The following CT45A3 variants were observed in gnomAD, a reference collection of about 807,000 sequenced individuals.
CT45A3 encodes the protein cancer/testis antigen 45-3.
intron 1 of CT45A3, among the ~76,000 whole-genome samples, chrX:135,765,188 TAACAAC>T (rs1191778737): frequency 5.4e-5 from 5 of 93,186 alleles, no homozygotes; most frequent in South Asian, 4.7e-4. Context: ...TGCACCACAT[TAACAAC>T]AACAACAACA....
At chrX:135,762,819 C>A (rs2088183148) in intron 2 of CT45A3, among the ~76,000 whole-genome samples, 1 of 50,768 alleles carries the variant, frequency 2.0e-5, no homozygotes, top group African/African-American at 7.3e-5. Flanking sequence ...AGCTGGAACC[C>A]AGGCAACTGG....
At chrX:135,762,575 CA>C (rs2041990123) in intron 2 of CT45A3, among the ~76,000 whole-genome samples, 1 of 58,417 alleles carries the variant, frequency 1.7e-5, no homozygotes, top group African/African-American at 5.5e-5. Context: ...GGAGAAATCC[CA>C]GGCCTGACAA....
chrX:135,765,357 ACTTC>A (rs1371725437), intron 1 of CT45A3, among the ~76,000 whole-genome samples: 1 of 114,766 alleles, frequency 8.7e-6, no homozygotes, highest in Non-Finnish European at 1.9e-5. Flanking sequence ...TAAATGCCAT[ACTTC>A]ATAGTGACGT....
chrX:135,765,039 C>CT (rs2088192665), intron 1 of CT45A3, among the ~76,000 whole-genome samples: 1 of 76,607 alleles, frequency 1.3e-5, no homozygotes, highest in Non-Finnish European at 2.5e-5. Flanking sequence ...AAGATCACCC[C>CT]GAACTTAGAC....
At chrX:135,762,427 CT>C in intron 2 of CT45A3, 71 bp from the exon 3 acceptor site, 1 of 3,763 alleles carries the variant, frequency 2.7e-4, no homozygotes, top group South Asian at 6.1e-3. Flanking sequence ...CCACATAGAC[CT>C]CATGAATGAC....
intron 1 of CT45A3, among the ~76,000 whole-genome samples, chrX:135,765,188 TAACAACAAC>T (rs1191778737): frequency 1.1e-5 from 1 of 93,388 alleles, no homozygotes; most frequent in East Asian, 3.5e-4. Flanking sequence ...TGCACCACAT[TAACAACAAC>T]AACAACAACA....
In CT45A3 at chrX:135,760,495, G is replaced by GT. The variant is rs2148045806; in HGVS notation, c.513-87dup. ...GCACTGTGATGGATAGAAAGATGAA[G>GT]TAACAGTCAGCATGGAAATAGAAAT... On this transcript the variant is annotated intron_variant, in intron 4 of 4. Coordinates refer to ENST00000598716, the MANE Select transcript of CT45A3 (RefSeq NM_001370148.2). 1.9e-6 allele frequency: 2 copies of GT among 1,066,385 alleles called. 1 individual carries two copies. The highest frequency in any genetic ancestry group is 3.6e-5 in the African/African-American group (2 of 55,893). 87.9% of individuals were successfully genotyped at this position (1,066,385 alleles called of 1,213,427 possible).
intron 4 of CT45A3, among the ~76,000 whole-genome samples, chrX:135,760,881 TA>T (rs1261956510): frequency 1.1e-4 from 8 of 70,611 alleles, no homozygotes; most frequent in African/African-American, 2.9e-4. Flanking sequence ...TGTTTAGCCA[TA>T]AAAAAAAGAA....
chrX:135,765,251 GA>G, intron 1 of CT45A3, among the ~76,000 whole-genome samples: 1 of 114,066 alleles, frequency 8.8e-6, no homozygotes, highest in Non-Finnish European at 1.9e-5. Context: ...TTCATACATG[GA>G]TCAATGTTTA....
intron 1 of CT45A3, among the ~76,000 whole-genome samples, chrX:135,765,188 TAAC>T (rs1191778737): frequency 5.0e-4 from 46 of 91,332 alleles, no homozygotes; most frequent in Admixed American, 8.0e-4. Context: ...TGCACCACAT[TAAC>T]AACAACAACA....
chrX:135,763,041 G>A (rs1387118660), intron 2 of CT45A3, among the ~76,000 whole-genome samples: 5,290 of 79,484 alleles, frequency 0.067, 6 homozygotes, highest in Non-Finnish European at 0.082. Context: ...GGCAGGCAGC[G>A]TGCCGGTAGC....
Sources: allele counts gnomAD v4.1 joint callset (sites outside exome capture counted in the v4.1 genomes callset), GRCh38; gene constraint gnomAD v4.1.1; transcripts MANE v1.5; gene names NCBI Gene and HGNC (gene_info 2026-07-23, HGNC 2026-07-21).